The following PRKG1 variants were observed in gnomAD, a reference collection of about 807,000 sequenced individuals.
PRKG1 encodes the protein cGMP-dependent protein kinase 1.
A neutral mutation model predicts 88.1 loss-of-function variants in PRKG1; 35 were observed. The observed-to-expected ratio is 0.40, with a 90% CI of 0.30 to 0.53. PRKG1 has a LOEUF of 0.53. PRKG1 is among the 20% of genes least tolerant of loss of function. The pLI is 0.59. For synonymous variants in PRKG1, 303 were observed against 292.5 expected (o/e 1.04, Z -0.37); for missense variants, 540 against 839.8 (o/e 0.64, Z 4.41).
At chr10:51,967,601 G>A (rs968272399) in intron 5 of PRKG1, among the ~76,000 whole-genome samples, 4 of 151,600 alleles carry the variant, frequency 2.6e-5, no homozygotes, top group Middle Eastern at 3.4e-3. Context: ...CCATTTCTCC[G>A]TATCTTCAAT....
intron 3 of PRKG1, among the ~76,000 whole-genome samples, chr10:51,775,798 G>A (rs546995360): frequency 1.7e-4 from 26 of 152,094 alleles, no homozygotes; most frequent in Non-Finnish European, 2.5e-4. Flanking sequence ...TGCCCAGGCT[G>A]GTGTTGAACT....
chr10:51,563,540 A>G (rs144429562), intron 3 of PRKG1, among the ~76,000 whole-genome samples: 47 of 152,224 alleles, frequency 3.1e-4, no homozygotes, highest in African/African-American at 9.4e-4. Flanking sequence ...TTCACATTTC[A>G]GCCTAAAGAA....
At chr10:51,754,153 T>C (rs1182612027) in intron 3 of PRKG1, among the ~76,000 whole-genome samples, 4 of 152,148 alleles carry the variant, frequency 2.6e-5, no homozygotes, top group Admixed American at 1.3e-4. Flanking sequence ...TCTCTTAGTT[T>C]GATAATGATT....
At chr10:51,392,947 C>CGGGCGGG (rs1837464422) in intron 2 of PRKG1, among the ~76,000 whole-genome samples, 1 of 67,448 alleles carries the variant, frequency 1.5e-5, no homozygotes, top group African/African-American at 4.6e-5. Flanking sequence ...GGCGGCTGGC[C>CGGGCGGG]GGGCTGAGGG....
At chr10:52,118,859 G>T (rs958170574) in intron 7 of PRKG1, among the ~76,000 whole-genome samples, 7 of 151,946 alleles carry the variant, frequency 4.6e-5, no homozygotes, top group Admixed American at 1.3e-4. Flanking sequence ...TGATGAGCAT[G>T]TACCAAAAAA....
chr10:52,063,322 C>A (rs1190725614), intron 7 of PRKG1, among the ~76,000 whole-genome samples: 1 of 152,206 alleles, frequency 6.6e-6, no homozygotes. Context: ...TGCGGCCGAA[C>A]CAGGCACACC....
At position 51,535,035 on chromosome 10, in the gene PRKG1, G is replaced by GA. The variant is rs1448692265; in HGVS notation, c.592+67204dup. Among the ~76,000 whole-genome samples, 6 of 152,210 alleles carry GA rather than the reference G, an allele frequency of 3.9e-5. No homozygotes were observed. In the East Asian group the frequency reaches 9.7e-4, roughly 25 times the overall value. ...CCCTTTATGAATATGAATTATCACA[G>GA]AAAAATAGAAGTTTTTTGGGAAAGG... is the stretch of plus-strand genomic sequence containing the variant. On this transcript the variant is annotated intron_variant, in intron 3 of 17. Transcript: ENST00000373980.
intron 7 of PRKG1, among the ~76,000 whole-genome samples, chr10:52,098,949 A>G (rs1338360667): frequency 6.6e-6 from 1 of 152,244 alleles, no homozygotes; most frequent in Non-Finnish European, 1.5e-5. Context: ...CTGTATGAGC[A>G]GAAGGTAAAG....
At chr10:52,140,192 T>C (rs1414570504) in intron 8 of PRKG1, among the ~76,000 whole-genome samples, 1 of 152,202 alleles carries the variant, frequency 6.6e-6, no homozygotes, top group Non-Finnish European at 1.5e-5. Context: ...ACCCCTGACT[T>C]AAACAATATT....
intron 3 of PRKG1, among the ~76,000 whole-genome samples, chr10:51,700,018 A>G (rs930862082): frequency 2.0e-5 from 3 of 152,254 alleles, no homozygotes; most frequent in Admixed American, 6.5e-5. Flanking sequence ...AAGTATTTTC[A>G]TGTGGCCTTT....
intron 2 of PRKG1, among the ~76,000 whole-genome samples, chr10:51,216,087 T>C (rs1284724342): frequency 2.0e-5 from 3 of 152,198 alleles, no homozygotes; most frequent in Admixed American, 2.0e-4. Context: ...AGATGAGTGC[T>C]TGCAGGACTT....
intron 1 of PRKG1, among the ~76,000 whole-genome samples, chr10:51,052,959 G>T (rs552242998): frequency 6.6e-6 from 1 of 152,210 alleles, no homozygotes; most frequent in Non-Finnish European, 1.5e-5. Context: ...GCCAGTTGCC[G>T]TGGCTCATGC....
intron 2 of PRKG1, among the ~76,000 whole-genome samples, chr10:51,164,182 T>C (rs1203559184): frequency 6.6e-6 from 1 of 152,062 alleles, no homozygotes; most frequent in Non-Finnish European, 1.5e-5. Flanking sequence ...CATGGCTGGG[T>C]ACTTCTCTGA....
chr10:51,672,213 C>G, intron 3 of PRKG1, among the ~76,000 whole-genome samples: 1 of 151,944 alleles, frequency 6.6e-6, no homozygotes, highest in East Asian at 1.9e-4. Context: ...ATGCTCTCTT[C>G]TTGGAACACC....
intron 2 of PRKG1, among the ~76,000 whole-genome samples, chr10:51,330,899 G>A (rs1452320368): frequency 6.6e-6 from 1 of 152,192 alleles, no homozygotes; most frequent in African/African-American, 2.4e-5. Context: ...TCCAGTCTTT[G>A]AAGACTGGCT....
chr10:52,059,164 T>C (rs1846176691), intron 6 of PRKG1, among the ~76,000 whole-genome samples: 1 of 151,934 alleles, frequency 6.6e-6, no homozygotes, highest in African/African-American at 2.4e-5. Context: ...AAATTAACAA[T>C]ATCAAGTGCT....
intron 2 of PRKG1, among the ~76,000 whole-genome samples, chr10:51,394,620 C>G (rs1417115983): frequency 1.3e-5 from 2 of 152,214 alleles, no homozygotes; most frequent in Non-Finnish European, 2.9e-5. Context: ...AATGCTGAAT[C>G]TCACTCCACC....
chr10:52,263,581 T>G (rs1841489252), intron 10 of PRKG1, among the ~76,000 whole-genome samples: 1 of 150,852 alleles, frequency 6.6e-6, no homozygotes, highest in South Asian at 2.1e-4. Flanking sequence ...CTCCAGGATT[T>G]TTTTTTTTTT....
In PRKG1 at chr10:51,643,992, A is replaced by G. The variant is rs554129145; in HGVS notation, c.593-160593A>G. 1.7e-4 allele frequency among the ~76,000 whole-genome samples: 25 copies of G among 151,472 alleles called. No homozygotes were observed. In the South Asian group the frequency reaches 5.3e-3, roughly 32 times the overall value. ...TGAAACAAATCCCAGATATAATATC[A>G]TTTCATTGTGAGGTTGTTGTGAGGA... On this transcript the variant is annotated intron_variant, in intron 3 of 17. Transcript: ENST00000373980.
Sources: gnomAD v4.1 joint callset for allele counts (sites outside exome capture counted in the v4.1 genomes callset) on GRCh38, gnomAD v4.1.1 for gene constraint, MANE v1.5 for transcripts, NCBI Gene and HGNC (gene_info 2026-07-23, HGNC 2026-07-21) for gene names.